Variants in RAP1GAP2 observed in about 807,000 individuals in gnomAD.
RAP1GAP2 encodes the protein RAP1 GTPase activating protein 2.
A neutral mutation model predicts 95.0 loss-of-function variants in RAP1GAP2; 27 were observed. The observed-to-expected ratio is 0.28, with a 90% CI of 0.21 to 0.39. The LOEUF is 0.39. Ranked by LOEUF, RAP1GAP2 falls within the 10% of genes least tolerant of loss-of-function variation. The probability of loss-of-function intolerance (pLI) is 1.00; values close to 1 mark genes in which losing one functional copy is unlikely to be tolerated. For synonymous variants in RAP1GAP2, 373 were observed against 380.9 expected (o/e 0.98, Z 0.24); for missense variants, 771 against 970.0 (o/e 0.79, Z 2.72).
At chr17:2,996,136 C>T (rs76370692) in intron 13 of RAP1GAP2, among the ~76,000 whole-genome samples, 18,665 of 152,116 alleles carry the variant, frequency 0.12, 1,341 homozygotes, top group East Asian at 0.23. Flanking sequence ...CGTGAGAATC[C>T]TTCCCCACCC....
intron 11 of RAP1GAP2, among the ~76,000 whole-genome samples, chr17:2,989,778 A>C (rs1204561492): frequency 6.6e-6 from 1 of 152,080 alleles, no homozygotes; most frequent in East Asian, 1.9e-4. Flanking sequence ...TTTATATCTC[A>C]ATGAAGTGTG....
intron 1 of RAP1GAP2, among the ~76,000 whole-genome samples, chr17:2,765,844 C>T (rs758464872): frequency 5.3e-5 from 8 of 152,150 alleles, no homozygotes; most frequent in Non-Finnish European, 7.4e-5. Flanking sequence ...TGCTGCGCCC[C>T]TGTAATCCCA....
At position 3,032,445 on chromosome 17, in the gene RAP1GAP2, C is replaced by T. The variant is rs1267581217; in HGVS notation, c.*26C>T. The T allele has an allele frequency of 1.2e-6, 2 of 1,613,604 alleles. No individual in the cohort carries two copies. The highest frequency in any genetic ancestry group is 1.7e-6 in the Non-Finnish European group (2 of 1,179,612). The stretch of plus-strand genomic sequence containing the variant: ...TGTGAAAGTGGAGTCCTTCGCCTGT[C>T]CAAGGTGGGTTGAGTGAATGTCCTG... On this transcript the variant is annotated 3_prime_UTR_variant, in exon 24 of 25. Coordinates refer to ENST00000254695, the MANE Select transcript of RAP1GAP2 (RefSeq NM_015085.5).
intron 1 of RAP1GAP2, among the ~76,000 whole-genome samples, chr17:2,768,877 C>G (rs112417000): frequency 6.6e-6 from 1 of 151,458 alleles, no homozygotes; most frequent in Admixed American, 6.6e-5. Flanking sequence ...AAGACCTAAT[C>G]TTGACTGCTG....
At chr17:2,995,859 C>T (rs1024451082) in intron 13 of RAP1GAP2, among the ~76,000 whole-genome samples, 22 of 152,290 alleles carry the variant, frequency 1.4e-4, no homozygotes, top group African/African-American at 4.8e-4. Flanking sequence ...GCAAAGGGTG[C>T]ATGGTGGGGT....
chr17:2,944,192 C>CAAAAAAAAAAAAA (rs979456068), intron 3 of RAP1GAP2, among the ~76,000 whole-genome samples: 1 of 139,390 alleles, frequency 7.2e-6, no homozygotes. Flanking sequence ...AACCAAACCA[C>CAAAAAAAAAAAAA]AAAAGATAAC....
chr17:2,949,711 G>A (rs775809812), intron 3 of RAP1GAP2, among the ~76,000 whole-genome samples: 8 of 152,198 alleles, frequency 5.3e-5, no homozygotes, highest in Non-Finnish European at 1.0e-4. Context: ...TGTGCCCTTG[G>A]CTGTATGCAG....
At chr17:2,808,640 G>A (rs534130474) in intron 2 of RAP1GAP2, among the ~76,000 whole-genome samples, 24 of 152,270 alleles carry the variant, frequency 1.6e-4, no homozygotes, top group African/African-American at 2.6e-4. Flanking sequence ...CGGTGTGGCC[G>A]CCCTTGTGAC....
At chr17:2,922,832 GTT>G (rs1182641512) in intron 3 of RAP1GAP2, among the ~76,000 whole-genome samples, 22 of 75,056 alleles carry the variant, frequency 2.9e-4, no homozygotes, top group South Asian at 2.9e-3. Flanking sequence ...TTTTGTTTTT[GTT>G]TTTTTTTTTT....
In RAP1GAP2 at chr17:3,026,398, C is replaced by T; in HGVS notation, c.1914C>T (p.Ser638=). Residue 638 remains serine, a synonymous_variant, in exon 21 of 25, where the codon TCC becomes TCT. Transcript: ENST00000254695. ...ACGGCCGTGCCATCTCCCGCTCCTCCTCCAGCACCAGCAGCGTCAGCAGCA... is the reference window on the plus strand; with the variant it reads ...ACGGCCGTGCCATCTCCCGCTCCTCTTCCAGCACCAGCAGCGTCAGCAGCA... ...KENGRAISRS[S]SSTSSVSSTA... The T allele has an allele frequency of 6.4e-7, 1 of 1,552,642 alleles. No individual in the cohort carries two copies. Among genetic ancestry groups the T allele is most frequent in the Non-Finnish European group, 8.7e-7 (1 of 1,147,722 alleles).
intron 3 of RAP1GAP2, among the ~76,000 whole-genome samples, chr17:2,928,323 A>G (rs941131328): frequency 1.3e-5 from 2 of 152,278 alleles, no homozygotes; most frequent in Admixed American, 1.3e-4. Context: ...ATTGATAATG[A>G]CACCTAATCC....
chr17:2,760,726 C>T (rs575235285), intron 1 of RAP1GAP2, among the ~76,000 whole-genome samples: 17 of 151,646 alleles, frequency 1.1e-4, no homozygotes, highest in Middle Eastern at 3.4e-3. Context: ...CAAGATACCG[C>T]ATTACGTTTA....
intron 2 of RAP1GAP2, among the ~76,000 whole-genome samples, chr17:2,823,505 C>T (rs988537229): frequency 3.3e-5 from 5 of 152,188 alleles, no homozygotes; most frequent in Admixed American, 2.6e-4. Flanking sequence ...CATTCTTAGC[C>T]CACCTGAGTA....
intron 3 of RAP1GAP2, among the ~76,000 whole-genome samples, chr17:2,919,828 A>G (rs1274416277): frequency 6.6e-6 from 1 of 151,656 alleles, no homozygotes; most frequent in Non-Finnish European, 1.5e-5. Flanking sequence ...TCAGCCTCCC[A>G]AGTAGCTGGG....
intron 2 of RAP1GAP2, among the ~76,000 whole-genome samples, chr17:2,810,522 C>CTTTTTTTTTT (rs1169922962): frequency 2.9e-5 from 2 of 69,434 alleles, no homozygotes; most frequent in African/African-American, 5.8e-5. Context: ...TCCCCCCACC[C>CTTTTTTTTTT]TTTTTTTTTT....
chr17:2,894,378 C>G (rs1034016364), intron 2 of RAP1GAP2, among the ~76,000 whole-genome samples: 1 of 152,158 alleles, frequency 6.6e-6, no homozygotes, highest in Non-Finnish European at 1.5e-5. Context: ...TGCAGTGAGC[C>G]AAGATCGCGC....
At chr17:2,993,580 A>AT (rs1597819717) in intron 12 of RAP1GAP2, among the ~76,000 whole-genome samples, 1 of 148,648 alleles carries the variant, frequency 6.7e-6, no homozygotes, top group South Asian at 2.1e-4. Flanking sequence ...CTAAAAAAAA[A>AT]AAAATAAATA....
chr17:3,007,963 C>A (rs766533771), intron 16 of RAP1GAP2, 48 bp from the exon 17 acceptor site: 5 of 1,600,224 alleles, frequency 3.1e-6, no homozygotes, highest in Non-Finnish European at 4.3e-6. Context: ...GCAGGCACAT[C>A]TCTGCTCTCA....
chr17:2,874,798 C>T (rs2073017699), intron 2 of RAP1GAP2, among the ~76,000 whole-genome samples: 1 of 152,122 alleles, frequency 6.6e-6, no homozygotes, highest in Admixed American at 6.5e-5. Context: ...TGAAGTTCTG[C>T]CTCTGCTTCT....
Sources: allele counts gnomAD v4.1 joint callset (sites outside exome capture counted in the v4.1 genomes callset), GRCh38; gene constraint gnomAD v4.1.1; transcripts MANE v1.5; gene names NCBI Gene and HGNC (gene_info 2026-07-23, HGNC 2026-07-21).